Variants in SOS2 observed in about 807,000 individuals in gnomAD.
SOS2 encodes son of sevenless homolog 2.
Under a neutral mutation model 148.2 loss-of-function variants are expected in SOS2, and 65 were observed. The ratio of observed to expected loss-of-function variants is 0.44; its 90% CI spans 0.36 to 0.54. SOS2 has a LOEUF of 0.54. Among genes scored for constraint, SOS2 ranks in the 20% least tolerant of loss-of-function variants. SOS2 has a pLI of 0.00. For missense variants in SOS2, 1,341 were observed against 1,590.2 expected (o/e 0.84, Z 2.67); for synonymous variants, 539 against 537.1 (o/e 1.00, Z -0.05).
intron 3 of SOS2, among the ~76,000 whole-genome samples, 179 bp from the exon 4 acceptor site, chr14:50,200,034 T>C (rs1392533580): frequency 2.6e-5 from 4 of 152,214 alleles, no homozygotes; most frequent in Non-Finnish European, 4.4e-5. Context: ...GGATTTTTTT[T>C]CTTTTAAGAG....
At chr14:50,198,293 C>T (rs191535835) in intron 4 of SOS2, among the ~76,000 whole-genome samples, 36 of 150,912 alleles carry the variant, frequency 2.4e-4, no homozygotes, top group Non-Finnish European at 4.4e-4. Context: ...GTTCAAGTGG[C>T]AAGGGCTTAC....
intron 3 of SOS2, 78 bp downstream of exon 3, chr14:50,200,875 T>A: frequency 1.4e-6 from 2 of 1,389,922 alleles, no homozygotes; most frequent in Non-Finnish European, 2.0e-6. Context: ...CATGCTACAT[T>A]AATGCTTTAT....
chr14:50,204,428 A>G lies in SOS2; in HGVS notation c.88-19T>C. The G allele has an allele frequency of 6.7e-7, 1 of 1,487,168 alleles. No homozygotes were observed. Among genetic ancestry groups the G allele is most frequent in the Middle Eastern group, 1.7e-4 (1 of 5,824 alleles). 92.1% of individuals were successfully genotyped at this position (1,487,168 alleles called of 1,614,324 possible). A position where few individuals can be genotyped will look rare whatever the true frequency, so the allele number is the denominator to read the frequency against. On this transcript the variant is annotated intron_variant, in intron 1 of 22. Transcript: ENST00000216373. ...CCTGAACCTTTAAAAAAAAGTTATC[A>G]GTTAAAGTAATGGCAAAATAATATA...
In SOS2 at chr14:50,159,689, T is replaced by C. The variant is rs756469497; in HGVS notation, c.1594A>G (p.Lys532Glu). The change falls in exon 10 of 23, where the codon AAA becomes GAA. Residue 532 changes from lysine to glutamate, a missense_variant. Physicochemically the swap from Lys to Glu is moderately conservative, Grantham distance 56. Transcript: ENST00000216373. Reference sequence around the variant, plus strand: ...ATAAGGGCTGCCATCCAGTTGTTTTTTTCTTCAGCAGACTTAGCAGCAAAT... The same window carrying C: ...ATAAGGGCTGCCATCCAGTTGTTTTCTTCTTCAGCAGACTTAGCAGCAAAT... The part of the protein sequence containing the change: ...IIFAAKSAEE[K>E]NNWMAALISL... 2 of 1,614,206 alleles carry C rather than the reference T, an allele frequency of 1.2e-6. No individual in the cohort carries two copies. Among genetic ancestry groups the C allele is most frequent in the Admixed American group, 1.7e-5 (1 of 60,026 alleles).
Position 50,130,105 on chromosome 14 carries a change from T to A in SOS2, c.3338-103A>T, listed in dbSNP as rs951072792. ...ACGTAATACACAGTGCAGAATTTTA[T>A]CATCATCTTTTGCCATGTTAGTTTT... On this transcript the variant is annotated intron_variant, in intron 20 of 22. Coordinates refer to ENST00000216373, the MANE Select transcript of SOS2 (RefSeq NM_006939.4). The A allele has an allele frequency of 5.8e-6, 4 of 690,062 alleles. No homozygotes were observed. In the East Asian group the frequency reaches 1.1e-4, roughly 20 times the overall value. The allele number at this position is 690,062 out of a possible 1,614,324, so 42.7% of individuals were successfully genotyped here. A position where few individuals can be genotyped will look rare whatever the true frequency, so the allele number is the denominator to read the frequency against.
intron 3 of SOS2, 128 bp from the exon 4 acceptor site, chr14:50,199,983 TAC>T (rs958690810): frequency 7.6e-5 from 42 of 550,382 alleles, no homozygotes; most frequent in African/African-American, 7.1e-4. Flanking sequence ...AATGTATGGG[TAC>T]CACGGGATAT....
chr14:50,121,187 C>T (rs1883494364), intron 21 of SOS2, among the ~76,000 whole-genome samples: 1 of 152,116 alleles, frequency 6.6e-6, no homozygotes, highest in Non-Finnish European at 1.5e-5. Context: ...TATATAACTA[C>T]ATTAAAGGAA....
intron 1 of SOS2, chr14:50,230,896 G>A (rs1426373724): frequency 6.6e-6 from 7 of 1,059,726 alleles, no homozygotes; most frequent in East Asian, 6.4e-5. Context: ...ACTTTCTCTT[G>A]CCCGATTCCA....
intron 16 of SOS2, among the ~76,000 whole-genome samples, chr14:50,143,044 C>T (rs752550892): frequency 1.3e-5 from 2 of 151,998 alleles, no homozygotes; most frequent in Admixed American, 6.5e-5. Flanking sequence ...AATGATAAAA[C>T]GTCCTTATGT....
rs116362466 is a variant in SOS2 at position 50,230,132 on chromosome 14, C to T, written c.87+1065G>A. Among the ~76,000 whole-genome samples the T allele has an allele frequency of 9.8e-3, 1,497 of 152,332 alleles. 16 individuals are homozygous for T. The highest frequency in any genetic ancestry group is 0.065 in the Middle Eastern group (19 of 294). ...AAAATAAGGGAAAATCTGCAACTCT[C>T]ATCGCATGAGGAAAATGTCTTTAAC... On this transcript the variant is annotated intron_variant, in intron 1 of 22. Transcript: ENST00000216373.
intron 1 of SOS2, 110 bp from the exon 2 acceptor site, chr14:50,204,519 C>T (rs906571557): frequency 1.5e-6 from 1 of 648,654 alleles, no homozygotes; most frequent in Non-Finnish European, 2.6e-6. Flanking sequence ...TCAAAACAGA[C>T]ATAAAACACA....
chr14:50,134,161 C>G lies in SOS2; in HGVS notation c.3037G>C (p.Glu1013Gln). The G allele has an allele frequency of 6.2e-7, 1 of 1,607,018 alleles. No individual in the cohort carries two copies. Among genetic ancestry groups the G allele is most frequent in the South Asian group, 1.1e-5 (1 of 90,584 alleles). Residue 1013 changes from glutamate (E) to glutamine (Q), a missense_variant, in exon 19 of 23, where the codon GAA (glutamate) becomes CAA (glutamine). By Grantham distance (29) the Glu-to-Gln change is conservative. Around this residue, in one of 4 missense-constraint regions of SOS2, gnomAD observed 408 missense variants for 506.6 expected, o/e 0.81. Coordinates refer to ENST00000216373, the MANE Select transcript of SOS2 (RefSeq NM_006939.4). ...FTDYLFNKSL[E>Q]IEPRNCKQPP... ...TGTTTGCAGTTTCGAGGTTCAATTT[C>G]TAGTGACTTGTTGAACAAATAATCT...
chr14:50,137,003 T>C (rs961482783), intron 18 of SOS2, among the ~76,000 whole-genome samples: 1 of 152,184 alleles, frequency 6.6e-6, no homozygotes, highest in South Asian at 2.1e-4. Flanking sequence ...AGGGTGGAAG[T>C]AATGGTGGAT....
In SOS2 at chr14:50,200,372, C is replaced by T. The variant is rs1192461243; in HGVS notation, c.346-517G>A. On this transcript the variant is annotated intron_variant, in intron 3 of 22. Transcript: ENST00000216373. ...TTAATATGCAATAGCCAAACTAGGT[C>T]CTAGTCCACTTTTCCAGTATATAAA... is the stretch of plus-strand genomic sequence containing the variant. Among the ~76,000 whole-genome samples, 3 of 152,008 alleles carry T rather than the reference C, an allele frequency of 2.0e-5. No homozygotes were observed. In the East Asian group the frequency reaches 5.8e-4, roughly 29 times the overall value.
chr14:50,150,127 T>G lies in SOS2; in HGVS notation c.2265A>C (p.Pro755=). 1.2e-6 allele frequency: 2 copies of G among 1,613,096 alleles called. No homozygotes were observed. The highest frequency in any genetic ancestry group is 1.7e-6 in the Non-Finnish European group (2 of 1,179,104). Reference sequence around the variant, plus strand: ...TGATATGCCATTCAATTGGTGGAGGTGGACTTTCAAAGGTAATATTATGGC... The same window carrying G: ...TGATATGCCATTCAATTGGTGGAGGGGGACTTTCAAAGGTAATATTATGGC... ...GVSHNITFES[P]PPPIEWHISK... The change falls in exon 14 of 23, where the codon CCA becomes CCC. Residue 755 remains proline, a synonymous_variant. Coordinates refer to ENST00000216373, the MANE Select transcript of SOS2 (RefSeq NM_006939.4).
rs371115237 is a variant in SOS2, at chr14:50,158,684, T to C, written c.1853-38A>G. On this transcript the variant is annotated intron_variant, in intron 10 of 22. Coordinates refer to ENST00000216373, the MANE Select transcript of SOS2 (RefSeq NM_006939.4). Reference sequence around the variant, plus strand: ...AGCATAAAATAGGTTTCATGTTTAATGTATTCAGTTTAATTAACTCAAAGT... The same window carrying C: ...AGCATAAAATAGGTTTCATGTTTAACGTATTCAGTTTAATTAACTCAAAGT... 8.3e-6 allele frequency: 11 copies of C among 1,327,624 alleles called. No individual in the cohort carries two copies. The African/African-American group carries it at 1.2e-4, about 14-fold the overall frequency. 82.2% of individuals were successfully genotyped at this position (1,327,624 alleles called of 1,614,324 possible). A position where few individuals can be genotyped will look rare whatever the true frequency, so the allele number is the denominator to read the frequency against.
chr14:50,158,828 T>C (rs780467669), intron 10 of SOS2, among the ~76,000 whole-genome samples, 182 bp from the exon 11 acceptor site: 5 of 152,068 alleles, frequency 3.3e-5, no homozygotes, highest in Non-Finnish European at 5.9e-5. Context: ...CATAGAGAAA[T>C]ACTGACATAG....
chr14:50,152,934 C>T, intron 13 of SOS2, 136 bp downstream of exon 13: 1 of 488,294 alleles, frequency 2.0e-6, no homozygotes, highest in South Asian at 3.0e-5. Flanking sequence ...CACTGCACTC[C>T]AGCCTGGACA....
intron 8 of SOS2, among the ~76,000 whole-genome samples, chr14:50,163,238 T>C (rs1885069148): frequency 6.6e-6 from 1 of 151,462 alleles, no homozygotes; most frequent in South Asian, 2.1e-4. Flanking sequence ...GGAATTATGA[T>C]CACTTCAGAA....
Sources: gnomAD v4.1 joint callset for allele counts (sites outside exome capture counted in the v4.1 genomes callset) on GRCh38, gnomAD v4.1.1 for gene constraint, gnomAD v4.1.1 regional missense constraint, MANE v1.5 for transcripts, NCBI Gene and HGNC (gene_info 2026-07-23, HGNC 2026-07-21) for gene names.